DNER: variants seen among roughly 807,000 people sequenced by gnomAD.
DNER encodes the protein delta and Notch-like epidermal growth factor-related receptor.
A neutral mutation model predicts 78.2 loss-of-function variants in DNER; 33 were observed. That is an observed-to-expected ratio of 0.42 (90% CI 0.32 to 0.56). DNER has a LOEUF of 0.56. DNER is among the 20% of genes least tolerant of loss of function. DNER has a pLI of 0.11. For missense variants in DNER, 918 were observed against 975.3 expected (o/e 0.94, Z 0.78); for synonymous variants, 417 against 384.8 (o/e 1.08, Z -0.98).
At chr2:229,411,547 ACT>A (rs903352122) in intron 9 of DNER, among the ~76,000 whole-genome samples, 29 of 151,666 alleles carry the variant, frequency 1.9e-4, no homozygotes, top group Middle Eastern at 3.4e-3. Flanking sequence ...ACAGAGCAAG[ACT>A]CTGTTTCAAA....
chr2:229,504,093 A>G (rs959760601), intron 6 of DNER, among the ~76,000 whole-genome samples: 3 of 152,076 alleles, frequency 2.0e-5, no homozygotes, highest in African/African-American at 7.2e-5. Flanking sequence ...AAACCAGGAG[A>G]TGGCCTGTGG....
chr2:229,475,955 A>T (rs181300825), intron 7 of DNER, among the ~76,000 whole-genome samples: 91 of 152,244 alleles, frequency 6.0e-4, no homozygotes, highest in Non-Finnish European at 1.0e-3. Context: ...AAAGTGCTCT[A>T]TGTGAGTGAA....
At position 229,447,512 on chromosome 2, in the gene DNER, C is replaced by A. The variant is rs1694366159; in HGVS notation, c.1290G>T (p.Lys430Asn). Residue 430 changes from lysine (K) to asparagine (N), a missense_variant, in exon 8 of 13, where the codon AAG (lysine) becomes AAT (asparagine). By Grantham distance (94) the Lys-to-Asn change is moderately conservative. Coordinates refer to ENST00000341772, the MANE Select transcript of DNER (RefSeq NM_139072.4). ...ACGGAGACGAGGCGCAGGGGTCCAC[C>A]TTTTCTTCACAAGCAGATCCGAAGT... ...EGYFGSACEE[K>N]VDPCASSPCQ... The A allele has an allele frequency of 6.2e-7, 1 of 1,614,108 alleles. No homozygotes were observed. Among genetic ancestry groups the A allele is most frequent in the Non-Finnish European group, 8.5e-7 (1 of 1,180,006 alleles).
chr2:229,555,449 G>A lies in DNER; in HGVS notation c.848-8357C>T, dbSNP rs555027809. Reference sequence around the variant, plus strand: ...CTTCTTCCAGTCTTACAGCCATTGAGATCCAGCTCAGAGACCACCTTATTC... The same window carrying A: ...CTTCTTCCAGTCTTACAGCCATTGAAATCCAGCTCAGAGACCACCTTATTC... On this transcript the variant is annotated intron_variant, in intron 4 of 12. Coordinates refer to ENST00000341772, the MANE Select transcript of DNER (RefSeq NM_139072.4). Among the ~76,000 whole-genome samples the A allele has an allele frequency of 1.1e-4, 17 of 152,258 alleles. 1 individual carries two copies. Among genetic ancestry groups the A allele is most frequent in the African/African-American group, 3.9e-4 (16 of 41,536 alleles).
chr2:229,361,504 G>T (rs751184585), intron 12 of DNER, among the ~76,000 whole-genome samples: 15 of 152,114 alleles, frequency 9.9e-5, no homozygotes, highest in Non-Finnish European at 2.2e-4. Context: ...TCCTCTGGCT[G>T]CTTTTGCACA....
At chr2:229,510,417 T>C (rs1695842003) in intron 6 of DNER, among the ~76,000 whole-genome samples, 1 of 152,046 alleles carries the variant, frequency 6.6e-6, no homozygotes, top group African/African-American at 2.4e-5. Context: ...TGCAGCAGGG[T>C]CAAGAATTGT....
chr2:229,577,703 T>TATTC (rs1697328938), intron 4 of DNER, among the ~76,000 whole-genome samples: 1 of 152,082 alleles, frequency 6.6e-6, no homozygotes, highest in Non-Finnish European at 1.5e-5. Flanking sequence ...CAAAGGAGAA[T>TATTC]ATTCCAGGAA....
rs1692141665 is a variant in DNER, at chr2:229,358,594, A to C, written c.2160T>G (p.Asp720Glu). 1 of 1,613,898 alleles carries C rather than the reference A, an allele frequency of 6.2e-7. No individual in the cohort carries two copies. The highest frequency in any genetic ancestry group is 1.3e-5 in the African/African-American group (1 of 74,918). The change falls in exon 13 of 13, where the codon GAT (aspartate) becomes GAG (glutamate). Residue 720 changes from aspartate (D) to glutamate (E), a missense_variant. By Grantham distance (45) the Asp-to-Glu change is conservative. Coordinates refer to ENST00000341772, the MANE Select transcript of DNER (RefSeq NM_139072.4). ...MYDVSPIAYE[D>E]YSPDDKPLVT... ...CCAAGGGTTTGTCATCAGGACTGTA[A>C]TCTTCATAGGCGATGGGGCTCACAT...
At chr2:229,632,906 A>G (rs1698454850) in intron 1 of DNER, among the ~76,000 whole-genome samples, 1 of 152,148 alleles carries the variant, frequency 6.6e-6, no homozygotes, top group African/African-American at 2.4e-5. Context: ...ACCAGTAACT[A>G]AAAATGCAAA....
At chr2:229,430,848 C>A (rs182434660) in intron 8 of DNER, among the ~76,000 whole-genome samples, 1 of 151,822 alleles carries the variant, frequency 6.6e-6, no homozygotes, top group Admixed American at 6.6e-5. Flanking sequence ...CCTTGATTGG[C>A]AGTAAGGAAA....
chr2:229,421,024 AT>A (rs1290655221), intron 8 of DNER, among the ~76,000 whole-genome samples: 4 of 152,234 alleles, frequency 2.6e-5, no homozygotes, highest in Admixed American at 6.5e-5. Context: ...CTTGATGTCC[AT>A]TGACAGAAGA....
At position 229,539,055 on chromosome 2, in the gene DNER, T is replaced by C. The variant is rs985863274; in HGVS notation, c.993+7892A>G. ...AGAACGATTACAAAGTAACTGTATG[T>C]TCTGATGTCCTCCTTGAAAGCTGCA... On this transcript the variant is annotated intron_variant, in intron 5 of 12. Coordinates refer to ENST00000341772, the MANE Select transcript of DNER (RefSeq NM_139072.4). 3.9e-5 allele frequency among the ~76,000 whole-genome samples: 6 copies of C among 152,190 alleles called. 1 individual carries two copies. Among genetic ancestry groups the C allele is most frequent in the Non-Finnish European group, 8.8e-5 (6 of 68,032 alleles).
chr2:229,618,999 AT>A (rs1680611188), intron 1 of DNER, among the ~76,000 whole-genome samples: 1 of 152,122 alleles, frequency 6.6e-6, no homozygotes, highest in Non-Finnish European at 1.5e-5. Flanking sequence ...TCTACAAAAA[AT>A]TTTAAAATTA....
At chr2:229,422,768 G>A (rs1470087724) in intron 8 of DNER, among the ~76,000 whole-genome samples, 1 of 152,000 alleles carries the variant, frequency 6.6e-6, no homozygotes, top group Non-Finnish European at 1.5e-5. Flanking sequence ...AGAAGAAAAT[G>A]GAAGGGAAAG....
Position 229,473,020 on chromosome 2 carries a change from G to A in DNER, c.1261+4120C>T, listed in dbSNP as rs1694956176. ...AGTCACAGAGACAGTACCCAGAACA[G>A]ATGTTCAATCTCTACGGGCCTACCC... On this transcript the variant is annotated intron_variant, in intron 7 of 12. Transcript: ENST00000341772. 2.0e-5 allele frequency among the ~76,000 whole-genome samples: 3 copies of A among 152,320 alleles called. No homozygotes were observed. The South Asian group carries it at 6.2e-4, about 32-fold the overall frequency.
At chr2:229,503,593 C>G (rs1306925243) in intron 6 of DNER, among the ~76,000 whole-genome samples, 1 of 152,116 alleles carries the variant, frequency 6.6e-6, no homozygotes, top group African/African-American at 2.4e-5. Flanking sequence ...CTTTTGGAAC[C>G]CAATGAGATA....
chr2:229,453,920 T>TAAAAAAAAAAAAAAAAA (rs10602558), intron 7 of DNER, among the ~76,000 whole-genome samples: 2 of 106,860 alleles, frequency 1.9e-5, no homozygotes, highest in East Asian at 2.9e-4. Context: ...TAAAATATAT[T>TAAAAAAAAAAAAAAAAA]AAAAAAAAAA....
At chr2:229,452,191 G>A (rs568173884) in intron 7 of DNER, among the ~76,000 whole-genome samples, 31 of 152,264 alleles carry the variant, frequency 2.0e-4, no homozygotes, top group African/African-American at 5.3e-4. Flanking sequence ...GGTTGAGACC[G>A]GAAGCATGAA....
chr2:229,558,363 T>C (rs143293813), intron 4 of DNER, among the ~76,000 whole-genome samples: 101 of 152,274 alleles, frequency 6.6e-4, no homozygotes, highest in African/African-American at 2.4e-3. Flanking sequence ...CATGCACTTG[T>C]ACCCCAGAAC....
Sources: gnomAD v4.1 joint callset for allele counts (sites outside exome capture counted in the v4.1 genomes callset) on GRCh38, gnomAD v4.1.1 for gene constraint, MANE v1.5 for transcripts, NCBI Gene and HGNC (gene_info 2026-07-23, HGNC 2026-07-21) for gene names.